The following BCL2 variants were observed in gnomAD, a reference collection of about 807,000 sequenced individuals.
BCL2 encodes the protein BCL2 apoptosis regulator.
BCL2 carries 1 observed loss-of-function variant against 14.2 expected under a neutral mutation model. The observed-to-expected ratio is 0.07, with a 90% CI of 0.02 to 0.33. The LOEUF is 0.33. Ranked by LOEUF, BCL2 falls within the 10% of genes least tolerant of loss-of-function variation. BCL2 has a pLI of 0.99. For synonymous variants in BCL2, 151 were observed against 137.2 expected (o/e 1.10, Z -0.70); for missense variants, 247 against 305.9 (o/e 0.81, Z 1.44).
intron 2 of BCL2, among the ~76,000 whole-genome samples, chr18:63,227,822 C>T (rs1255128251): frequency 1.3e-5 from 2 of 152,170 alleles, no homozygotes; most frequent in Non-Finnish European, 2.9e-5. Flanking sequence ...CAAGGATTAA[C>T]ATAAAGGAAG....
chr18:63,184,007 A>G (rs1915536548), intron 2 of BCL2, among the ~76,000 whole-genome samples: 1 of 152,212 alleles, frequency 6.6e-6, no homozygotes, highest in South Asian at 2.1e-4. Flanking sequence ...CAGACGCATG[A>G]CAGAGCAGAA....
At chr18:63,305,277 TCA>T (rs1186334931) in intron 2 of BCL2, among the ~76,000 whole-genome samples, 1 of 152,226 alleles carries the variant, frequency 6.6e-6, no homozygotes, top group African/African-American at 2.4e-5. Flanking sequence ...GCAATATATT[TCA>T]GTCTCTACTA....
At chr18:63,304,801 C>T (rs190373903) in intron 2 of BCL2, among the ~76,000 whole-genome samples, 165 of 152,240 alleles carry the variant, frequency 1.1e-3, no homozygotes, top group Non-Finnish European at 1.8e-3. Flanking sequence ...ACTACACTTA[C>T]GGGCACTTCC....
At chr18:63,206,799 C>T (rs1056588249) in intron 2 of BCL2, among the ~76,000 whole-genome samples, 2 of 151,040 alleles carry the variant, frequency 1.3e-5, no homozygotes, top group African/African-American at 4.9e-5. Flanking sequence ...AGGGTTGGGG[C>T]AGGGGCACGG....
chr18:63,283,420 G>C (rs892593078), intron 2 of BCL2, among the ~76,000 whole-genome samples: 2 of 152,140 alleles, frequency 1.3e-5, no homozygotes, highest in African/African-American at 4.8e-5. Flanking sequence ...TCCAGCCTGG[G>C]AGGTACCGTC....
At chr18:63,214,870 C>T (rs1910154937) in intron 2 of BCL2, among the ~76,000 whole-genome samples, 1 of 151,994 alleles carries the variant, frequency 6.6e-6, no homozygotes, top group Non-Finnish European at 1.5e-5. Context: ...GCCACCATGC[C>T]CAGCTAATTT....
At chr18:63,306,842 C>CTTT (rs11407054) in intron 2 of BCL2, among the ~76,000 whole-genome samples, 3 of 140,912 alleles carry the variant, frequency 2.1e-5, no homozygotes, top group African/African-American at 5.2e-5. Context: ...TTTTTTTGTG[C>CTTT]TTTTTTTTTT....
rs2144581061 is a variant in BCL2, at chr18:63,125,468, T to A, written c.*3157A>T. 4.6e-6 allele frequency: 1 copy of A among 219,724 alleles called. No homozygotes were observed. 13.6% of individuals were successfully genotyped at this position (219,724 alleles called of 1,614,324 possible). On this transcript the variant is annotated 3_prime_UTR_variant, in exon 3 of 3. Coordinates refer to ENST00000333681, the MANE Select transcript of BCL2 (RefSeq NM_000633.3). ...AGGAGGTTCTCAGATGTTCTTCTCC[T>A]TTTGGGGCTTTTTTTAGAGCCCTTG...
intron 2 of BCL2, among the ~76,000 whole-genome samples, chr18:63,196,843 T>G (rs930300366): frequency 6.6e-6 from 1 of 152,332 alleles, no homozygotes; most frequent in East Asian, 1.9e-4. Context: ...ACATCATAGT[T>G]ATGAGTTTTT....
chr18:63,317,278 G>A, intron 2 of BCL2: 1 of 155,148 alleles, frequency 6.4e-6, no homozygotes, highest in Non-Finnish European at 1.4e-5. Context: ...TCCACTCTGA[G>A]TGGTGAAAAA....
intron 2 of BCL2, among the ~76,000 whole-genome samples, chr18:63,189,719 A>G (rs1482793924): frequency 8.2e-6 from 1 of 121,532 alleles, no homozygotes; most frequent in Non-Finnish European, 1.6e-5. Flanking sequence ...ACCGCATCCA[A>G]TGAAGTGCTG....
chr18:63,193,527 C>T (rs759890522), intron 2 of BCL2, among the ~76,000 whole-genome samples: 1 of 151,446 alleles, frequency 6.6e-6, no homozygotes, highest in Non-Finnish European at 1.5e-5. Flanking sequence ...ATGATGTCCT[C>T]AAGAATCATC....
At chr18:63,201,346 C>T (rs1909685845) in intron 2 of BCL2, among the ~76,000 whole-genome samples, 1 of 152,164 alleles carries the variant, frequency 6.6e-6, no homozygotes, top group African/African-American at 2.4e-5. Flanking sequence ...TCAATTCATC[C>T]TTATAACCCT....
At chr18:63,198,231 C>A (rs1412440026) in intron 2 of BCL2, among the ~76,000 whole-genome samples, 1 of 151,032 alleles carries the variant, frequency 6.6e-6, no homozygotes, top group African/African-American at 2.4e-5. Context: ...CACACACAGA[C>A]ACACACTGAC....
chr18:63,249,769 C>T lies in BCL2; in HGVS notation c.585+68313G>A, dbSNP rs1301446163. Among the ~76,000 whole-genome samples, 3 of 147,952 alleles carry T rather than the reference C, an allele frequency of 2.0e-5. No homozygotes were observed. The East Asian group carries it at 6.0e-4, about 29-fold the overall frequency. ...AATTTAACAGAGGAGTTAACCAAGA[C>T]CCCCAGGGTGAAGGGACATGCCTAA... On this transcript the variant is annotated intron_variant, in intron 2 of 2. Coordinates refer to ENST00000333681, the MANE Select transcript of BCL2 (RefSeq NM_000633.3).
intron 2 of BCL2, among the ~76,000 whole-genome samples, chr18:63,235,174 G>A (rs544773558): frequency 7.2e-5 from 11 of 152,212 alleles, no homozygotes; most frequent in South Asian, 4.1e-4. Context: ...ACTCTAACAA[G>A]TATTGAAGAG....
rs766872577 is a variant in BCL2, at chr18:63,318,418, C to G, written c.249G>C (p.Gly83=). The G allele has an allele frequency of 2.0e-6, 3 of 1,501,054 alleles. No individual in the cohort carries two copies. The South Asian group carries it at 4.1e-5, about 21-fold the overall frequency. 93.0% of individuals were successfully genotyped at this position (1,501,054 alleles called of 1,614,324 possible). ...QTPAAPGAAA[G]PALSPVPPVV... Reference sequence around the variant, plus strand: ...CAGGTGGCACCGGGCTGAGCGCAGGCCCCGCGGCGGCGCCGGGGGCAGCCG... The same window carrying G: ...CAGGTGGCACCGGGCTGAGCGCAGGGCCCGCGGCGGCGCCGGGGGCAGCCG... The change falls in exon 2 of 3, where the codon GGG becomes GGC. Residue 83 remains glycine (G), a synonymous_variant. Coordinates refer to ENST00000333681, the MANE Select transcript of BCL2 (RefSeq NM_000633.3). The surrounding 1 kb of genome is among the most constrained non-coding windows in gnomAD (Gnocchi z 7.4).
intron 2 of BCL2, among the ~76,000 whole-genome samples, chr18:63,164,161 G>A (rs187000122): frequency 2.6e-5 from 4 of 152,264 alleles, no homozygotes; most frequent in South Asian, 2.1e-4. Context: ...CTTCCAGTCC[G>A]CCCTCAGGAC....
At chr18:63,157,993 T>C (rs1914825921) in intron 2 of BCL2, among the ~76,000 whole-genome samples, 1 of 151,916 alleles carries the variant, frequency 6.6e-6, no homozygotes, top group African/African-American at 2.4e-5. Flanking sequence ...AACAAACATA[T>C]ACAGAGTTCG....
Sources: gnomAD v4.1 joint callset for allele counts (sites outside exome capture counted in the v4.1 genomes callset) on GRCh38, gnomAD v4.1.1 for gene constraint, Gnocchi (gnomAD v3.1) non-coding constraint, MANE v1.5 for transcripts, NCBI Gene and HGNC (gene_info 2026-07-23, HGNC 2026-07-21) for gene names.